The following EXPH5 variants were observed in gnomAD, a reference collection of about 807,000 sequenced individuals.
EXPH5 encodes exophilin-5.
In EXPH5, 42 loss-of-function variants were observed where a neutral mutation model predicts 41.1. The ratio of observed to expected loss-of-function variants is 1.02; its 90% CI spans 0.80 to 1.32. The LOEUF (loss-of-function observed/expected upper bound fraction) is 1.32. EXPH5 is among the 40% of genes most tolerant of loss of function. EXPH5 has a pLI of 0.00. For synonymous variants in EXPH5, 798 were observed against 833.5 expected (o/e 0.96, Z 0.73); for missense variants, 2,298 against 2,314.5 (o/e 0.99, Z 0.15).
intron 3 of EXPH5, among the ~76,000 whole-genome samples, chr11:108,531,596 T>G (rs147424413): frequency 1.3e-5 from 2 of 152,224 alleles, no homozygotes; most frequent in Non-Finnish European, 2.9e-5. Flanking sequence ...CCATTAAATA[T>G]TCTCTCATTT....
In EXPH5 at chr11:108,514,660, C is replaced by T. The variant is rs1340621716; in HGVS notation, c.847G>A (p.Gly283Ser). Residue 283 changes from glycine to serine, a missense_variant, in exon 6 of 6, where the codon GGT becomes AGT. Transcript: ENST00000265843. ...DILRPGTPREGFKTFSPRTST... is the reference protein window; with the variant it reads ...DILRPGTPRESFKTFSPRTST... ...GTCCTAGGAGAAAAGGTTTTAAAACCTTCCCTAGGAGTTCCTGGTCTTAGG... is the reference window on the plus strand; with the variant it reads ...GTCCTAGGAGAAAAGGTTTTAAAACTTTCCCTAGGAGTTCCTGGTCTTAGG... The T allele has an allele frequency of 1.2e-6, 2 of 1,604,112 alleles. No individual in the cohort carries two copies. Among genetic ancestry groups the T allele is most frequent in the African/African-American group, 1.3e-5 (1 of 74,454 alleles).
intron 1 of EXPH5, among the ~76,000 whole-genome samples, chr11:108,549,169 T>C (rs1288013801): frequency 1.3e-5 from 2 of 152,224 alleles, no homozygotes; most frequent in East Asian, 1.9e-4. Context: ...TGACTCAACA[T>C]ATCACAAGGG....
chr11:108,594,461 AC>A (rs528900760), upstream of EXPH5, among the ~76,000 whole-genome samples: 152 of 152,348 alleles, frequency 1.0e-3, no homozygotes, highest in South Asian at 3.9e-3. Context: ...ATTTAAAAAT[AC>A]CTAATCCTCT....
At chr11:108,520,416 C>T (rs1224622519) in intron 4 of EXPH5, among the ~76,000 whole-genome samples, 2 of 151,998 alleles carry the variant, frequency 1.3e-5, no homozygotes, top group African/African-American at 2.4e-5. Context: ...ATAAGCTGAT[C>T]TGGTAGTTCT....
intron 3 of EXPH5, among the ~76,000 whole-genome samples, chr11:108,535,421 G>C (rs142788272): frequency 1.3e-5 from 2 of 152,248 alleles, no homozygotes; most frequent in African/African-American, 2.4e-5. Flanking sequence ...CACAGAAGGA[G>C]CATTTCCAAA....
Position 108,513,804 on chromosome 11 carries a change from C to G in EXPH5, c.1703G>C (p.Gly568Ala). The G allele has an allele frequency of 6.2e-7, 1 of 1,600,618 alleles. No homozygotes were observed. The highest frequency in any genetic ancestry group is 8.5e-7 in the Non-Finnish European group (1 of 1,174,740). ...STLDSMVVSH[G>A]NETQLTPHFG... ...ATGAGGAGTCAACTGGGTCTCATTA[C>G]CATGTGATACCACCATGCTATCCAG... The change falls in exon 6 of 6, where the codon GGT becomes GCT. Residue 568 changes from glycine to alanine, a missense_variant. By Grantham distance (60) the Gly-to-Ala change is moderately conservative. Coordinates refer to ENST00000265843, the MANE Select transcript of EXPH5 (RefSeq NM_015065.3).
At chr11:108,566,585 G>T (rs551426066) in intron 1 of EXPH5, among the ~76,000 whole-genome samples, 162 of 152,222 alleles carry the variant, frequency 1.1e-3, no homozygotes, top group African/African-American at 3.8e-3. Flanking sequence ...GAGCATGGTG[G>T]CTCATGCCTA....
At chr11:108,519,360 C>T (rs1481974528) in intron 4 of EXPH5, among the ~76,000 whole-genome samples, 1 of 152,124 alleles carries the variant, frequency 6.6e-6, no homozygotes, top group African/African-American at 2.4e-5. Context: ...GGAGTGCTGT[C>T]TCCATGGCTC....
intron 1 of EXPH5, among the ~76,000 whole-genome samples, chr11:108,581,340 T>C (rs1264074580): frequency 1.3e-5 from 2 of 151,870 alleles, no homozygotes; most frequent in Non-Finnish European, 2.9e-5. Flanking sequence ...TGTATGCATA[T>C]ATATAGTTTC....
At chr11:108,573,139 G>GGAAT (rs1555198960) in intron 1 of EXPH5, among the ~76,000 whole-genome samples, 1 of 90,508 alleles carries the variant, frequency 1.1e-5, no homozygotes, top group Non-Finnish European at 2.2e-5. Context: ...AAGGAAAGAA[G>GGAAT]GAAAGAAAGA....
upstream of EXPH5, among the ~76,000 whole-genome samples, chr11:108,598,090 G>A (rs147584017): frequency 1.8e-3 from 272 of 152,274 alleles, 3 homozygotes; most frequent in African/African-American, 6.1e-3. Context: ...AGAATGGGAG[G>A]GATGCAGGGA....
At chr11:108,574,314 G>T (rs2094072939) in intron 1 of EXPH5, among the ~76,000 whole-genome samples, 1 of 151,100 alleles carries the variant, frequency 6.6e-6, no homozygotes, top group African/African-American at 2.4e-5. Context: ...GGAGTTAGAG[G>T]TTACAATGAA....
At chr11:108,529,012 T>C (rs1325663867) in intron 3 of EXPH5, among the ~76,000 whole-genome samples, 1 of 151,994 alleles carries the variant, frequency 6.6e-6, no homozygotes, top group Non-Finnish European at 1.5e-5. Context: ...CAGAGCCCTC[T>C]TTCTTAACCA....
intron 1 of EXPH5, among the ~76,000 whole-genome samples, chr11:108,562,344 G>T (rs538960353): frequency 1.4e-5 from 2 of 141,002 alleles, no homozygotes; most frequent in Admixed American, 1.5e-4. Context: ...TATAATCGCA[G>T]CACTTTGGGA....
At chr11:108,549,252 T>C (rs1189188071) in intron 1 of EXPH5, among the ~76,000 whole-genome samples, 1 of 152,236 alleles carries the variant, frequency 6.6e-6, no homozygotes, top group East Asian at 1.9e-4. Context: ...AGGTCTTTTC[T>C]TGCTAGGCCA....
Position 108,511,117 on chromosome 11 carries a change from G to A in EXPH5, c.4390C>T (p.Gln1464Ter), listed in dbSNP as rs1219818556. 1.9e-6 allele frequency: 3 copies of A among 1,613,784 alleles called. No homozygotes were observed. In the African/African-American group the frequency reaches 4.0e-5, roughly 22 times the overall value. The change falls in exon 6 of 6, where the codon CAG becomes TAG. Residue 1464 changes from glutamine to a stop codon, truncating the protein, a stop_gained. Transcript: ENST00000265843. LOFTEE classifies it low-confidence loss of function (END_TRUNC). Reference protein sequence around the residue: ...IPFTGSGKCPQKDHTSTAVGD... With the variant: ...IPFTGSGKCP ...ACAGCTGTGGATGTGTGATCTTTCT[G>A]GGGACACTTGCCACTTCCAGTAAAT...
At chr11:108,543,139 CA>C (rs2136036723) in intron 1 of EXPH5, among the ~76,000 whole-genome samples, 1 of 152,308 alleles carries the variant, frequency 6.6e-6, no homozygotes, top group South Asian at 2.1e-4. Context: ...ACAGAAAAGC[CA>C]TGCAGCGCAC....
At position 108,510,597 on chromosome 11, in the gene EXPH5, A is replaced by C; in HGVS notation, c.4910T>G (p.Val1637Gly). The change falls in exon 6 of 6, where the codon GTG becomes GGG. Residue 1637 changes from valine to glycine, a missense_variant. Transcript: ENST00000265843. ...SGFDHLSLGTVECNPLFPEPT... is the reference protein window; with the variant it reads ...SGFDHLSLGTGECNPLFPEPT... Reference sequence around the variant, plus strand: ...CTCAGGGAACAGTGGGTTGCACTCCACTGTGCCAAGAGATAAATGGTCAAA... The same window carrying C: ...CTCAGGGAACAGTGGGTTGCACTCCCCTGTGCCAAGAGATAAATGGTCAAA... The C allele has an allele frequency of 6.2e-7, 1 of 1,614,072 alleles. No individual in the cohort carries two copies. The highest frequency in any genetic ancestry group is 8.5e-7 in the Non-Finnish European group (1 of 1,180,006).
chr11:108,515,638 T>G (rs2093720069), intron 5 of EXPH5, among the ~76,000 whole-genome samples: 1 of 152,162 alleles, frequency 6.6e-6, no homozygotes, highest in African/African-American at 2.4e-5. Context: ...ATTACTATTC[T>G]CATTCTATAA....
Sources: allele counts gnomAD v4.1 joint callset (sites outside exome capture counted in the v4.1 genomes callset), GRCh38; gene constraint gnomAD v4.1.1; transcripts MANE v1.5; gene names NCBI Gene and HGNC (gene_info 2026-07-23, HGNC 2026-07-21).